The following MCPH1 variants were observed in gnomAD, a reference collection of about 807,000 sequenced individuals.
MCPH1 encodes microcephalin 1.
In MCPH1, 104 loss-of-function variants were observed where a neutral mutation model predicts 84.5. The observed-to-expected ratio is 1.23, with a 90% confidence interval of 1.05 to 1.45. The LOEUF (loss-of-function observed/expected upper bound fraction) is 1.45, where lower values mean the gene tolerates loss of function less well. MCPH1 is among the 40% of genes most tolerant of loss of function. MCPH1 has a pLI of 0.00. For synonymous variants in MCPH1, 514 were observed against 366.8 expected (o/e 1.40, Z -4.58); for missense variants, 1,498 against 1,005.7 (o/e 1.49, Z -6.62).
At chr8:6,456,398 T>C (rs772456167) in intron 9 of MCPH1, among the ~76,000 whole-genome samples, 1 of 152,194 alleles carries the variant, frequency 6.6e-6, no homozygotes, top group African/African-American at 2.4e-5. Flanking sequence ...GCTGAGTTTG[T>C]GTTTTGCGTC....
At chr8:6,555,788 A>G (rs568495186) in intron 12 of MCPH1, among the ~76,000 whole-genome samples, 19 of 152,260 alleles carry the variant, frequency 1.2e-4, no homozygotes, top group African/African-American at 4.3e-4. Context: ...TAGTCTTCTG[A>G]ACGATTAAAT....
intron 4 of MCPH1, among the ~76,000 whole-genome samples, chr8:6,433,003 A>G (rs1032158500): frequency 6.6e-6 from 1 of 152,190 alleles, no homozygotes; most frequent in East Asian, 1.9e-4. Flanking sequence ...CATTACACAC[A>G]TGTACACACT....
chr8:6,449,152 A>G (rs146923157), intron 8 of MCPH1, among the ~76,000 whole-genome samples: 23 of 152,332 alleles, frequency 1.5e-4, no homozygotes, highest in Non-Finnish European at 2.6e-4. Context: ...GATACTGCTG[A>G]TTCGATGTCA....
intron 12 of MCPH1, among the ~76,000 whole-genome samples, chr8:6,596,616 T>C (rs569862045): frequency 1.3e-5 from 2 of 151,846 alleles, no homozygotes; most frequent in South Asian, 4.2e-4. Flanking sequence ...TATGAGGGCA[T>C]GATGAGGGGT....
chr8:6,453,105 G>C (rs1426771528), intron 8 of MCPH1, among the ~76,000 whole-genome samples: 1 of 152,166 alleles, frequency 6.6e-6, no homozygotes, highest in Non-Finnish European at 1.5e-5. Flanking sequence ...ACCACACTTA[G>C]GAGCAAACAC....
At chr8:6,581,751 T>C (rs1827582866) in intron 12 of MCPH1, among the ~76,000 whole-genome samples, 2 of 152,198 alleles carry the variant, frequency 1.3e-5, no homozygotes, top group African/African-American at 4.8e-5. Flanking sequence ...TCATTCAAAC[T>C]GGGTGTCTTA....
At chr8:6,566,990 G>A (rs2442537) in intron 12 of MCPH1, among the ~76,000 whole-genome samples, 82,483 of 111,266 alleles carry the variant, frequency 0.74, 35,052 homozygotes, top group East Asian at 0.89. Context: ...TGCGGTGACG[G>A]TGTGTGATCG....
intron 9 of MCPH1, among the ~76,000 whole-genome samples, chr8:6,475,277 C>T (rs1482275299): frequency 6.6e-6 from 1 of 152,238 alleles, no homozygotes; most frequent in African/African-American, 2.4e-5. Context: ...CAAGTGTTTA[C>T]TTGGGTGCCC....
intron 12 of MCPH1, among the ~76,000 whole-genome samples, chr8:6,610,031 G>A (rs1830132095): frequency 6.6e-6 from 1 of 152,320 alleles, no homozygotes; most frequent in South Asian, 2.1e-4. Flanking sequence ...TCCCAGGCCT[G>A]ACAACACATG....
chr8:6,432,738 G>A (rs560455927), intron 4 of MCPH1, among the ~76,000 whole-genome samples: 8 of 152,316 alleles, frequency 5.3e-5, no homozygotes, highest in African/African-American at 1.7e-4. Flanking sequence ...TTTCATCTCA[G>A]ACAAGCCATA....
intron 12 of MCPH1, among the ~76,000 whole-genome samples, chr8:6,587,486 G>C (rs2515531): frequency 0.92 from 140,153 of 152,262 alleles, 65,645 homozygotes; most frequent in East Asian, 1. Context: ...CCCCTACACT[G>C]AAGATATAGA....
intron 12 of MCPH1, chr8:6,502,222 C>G (rs892282331): frequency 6.6e-6 from 1 of 151,980 alleles, no homozygotes; most frequent in Non-Finnish European, 1.5e-5. Context: ...TTCCTTATCA[C>G]AAGGCACAAT....
intron 9 of MCPH1, among the ~76,000 whole-genome samples, chr8:6,472,368 G>A (rs1807840109): frequency 6.6e-6 from 1 of 152,122 alleles, no homozygotes; most frequent in Non-Finnish European, 1.5e-5. Flanking sequence ...ACATCAAATG[G>A]ATCTCCTAAT....
rs1823156308 is a variant in MCPH1 at position 6,549,256 on chromosome 8, C to T, written c.2214+49327C>T. On this transcript the variant is annotated intron_variant, in intron 12 of 13. Coordinates refer to ENST00000344683, the MANE Select transcript of MCPH1 (RefSeq NM_024596.5). ...CCATGGGTACGTAAATTGTGTTATA[C>T]AGCGAAACACTGCACGGTGATGGAA... Among the ~76,000 whole-genome samples, 3 of 152,230 alleles carry T rather than the reference C, an allele frequency of 2.0e-5. 1 individual carries two copies. The South Asian group carries it at 6.2e-4, about 32-fold the overall frequency.
At chr8:6,421,678 A>G (rs1231084198) in intron 3 of MCPH1, among the ~76,000 whole-genome samples, 2 of 152,150 alleles carry the variant, frequency 1.3e-5, no homozygotes, top group Non-Finnish European at 2.9e-5. Context: ...CTGCCTCTGT[A>G]CTACAGCTGT....
intron 12 of MCPH1, among the ~76,000 whole-genome samples, chr8:6,564,801 A>G (rs905902524): frequency 6.6e-6 from 1 of 152,216 alleles, no homozygotes. Flanking sequence ...ATTTGCTGCC[A>G]CAATACTCAG....
intron 9 of MCPH1, among the ~76,000 whole-genome samples, chr8:6,457,540 G>T (rs962764001): frequency 6.6e-6 from 1 of 152,142 alleles, no homozygotes; most frequent in African/African-American, 2.4e-5. Context: ...AGGAAGGGGA[G>T]GTTGCAGTGA....
intron 12 of MCPH1, among the ~76,000 whole-genome samples, chr8:6,576,927 C>A (rs1827174629): frequency 1.3e-5 from 2 of 151,924 alleles, no homozygotes; most frequent in South Asian, 2.1e-4. Flanking sequence ...CAGATAAAAG[C>A]AATGGCGCCT....
chr8:6,554,885 A>C (rs73507174), intron 12 of MCPH1, among the ~76,000 whole-genome samples: 1 of 152,184 alleles, frequency 6.6e-6, no homozygotes, highest in Admixed American at 6.5e-5. Flanking sequence ...AATAGGTTTC[A>C]CATCTTTTGT....
Sources: allele counts gnomAD v4.1 joint callset (sites outside exome capture counted in the v4.1 genomes callset), GRCh38; gene constraint gnomAD v4.1.1; transcripts MANE v1.5; gene names NCBI Gene and HGNC (gene_info 2026-07-23, HGNC 2026-07-21).